Variants in GLP2R observed in about 807,000 individuals in gnomAD.
GLP2R encodes the protein glucagon-like peptide 2 receptor.
In GLP2R, 59 loss-of-function variants were observed where a neutral mutation model predicts 68.2. The ratio of observed to expected loss-of-function variants is 0.87; its 90% CI spans 0.70 to 1.07. GLP2R has a LOEUF of 1.07. Among genes scored for constraint, GLP2R ranks in the 50% least tolerant of loss-of-function variants. The pLI is 0.00. For missense variants in GLP2R, 548 were observed against 677.4 expected, an observed-to-expected ratio of 0.81 and a Z score of 2.12; for synonymous variants, 270 against 265.4, an observed-to-expected ratio of 1.02 and a Z score of -0.17.
intron 3 of GLP2R, among the ~76,000 whole-genome samples, chr17:9,838,868 G>C (rs1342874384): frequency 6.6e-6 from 1 of 152,214 alleles, no homozygotes; most frequent in Non-Finnish European, 1.5e-5. Context: ...GGTAATATCA[G>C]AAGAGGGAGC....
At chr17:9,827,701 G>A (rs974183498) in intron 1 of GLP2R, among the ~76,000 whole-genome samples, 1 of 152,094 alleles carries the variant, frequency 6.6e-6, no homozygotes, top group African/African-American at 2.4e-5. Flanking sequence ...GGTAGCTCAC[G>A]CCTGTAACCC....
chr17:9,861,231 G>A (rs372255002), intron 8 of GLP2R, 32 bp downstream of exon 8: 19 of 1,424,476 alleles, frequency 1.3e-5, no homozygotes, highest in South Asian at 4.7e-5. Context: ...ATTCTTTCAC[G>A]AGCCGGTAAT....
chr17:9,876,342 C>A (rs1220866683), intron 10 of GLP2R, among the ~76,000 whole-genome samples: 1 of 152,200 alleles, frequency 6.6e-6, no homozygotes, highest in Non-Finnish European at 1.5e-5. Context: ...AAGTTTATTT[C>A]ATAAGTCTTA....
At chr17:9,867,241 C>T (rs1045832560) in intron 9 of GLP2R, among the ~76,000 whole-genome samples, 5 of 152,194 alleles carry the variant, frequency 3.3e-5, no homozygotes, top group South Asian at 2.1e-4. Context: ...TCCCAGGTTC[C>T]GGCTCCCTGG....
chr17:9,876,360 T>C (rs1420653949), intron 10 of GLP2R, among the ~76,000 whole-genome samples: 2 of 152,220 alleles, frequency 1.3e-5, no homozygotes, highest in Admixed American at 6.5e-5. Context: ...TTATATGACG[T>C]AGGAGACTTC....
intron 4 of GLP2R, among the ~76,000 whole-genome samples, chr17:9,847,495 C>A (rs938524349): frequency 1.3e-5 from 2 of 152,088 alleles, no homozygotes; most frequent in East Asian, 3.9e-4. Context: ...GTCTCGAATG[C>A]CTGACCTCGT....
At chr17:9,877,020 A>G (rs2067147244) in intron 10 of GLP2R, among the ~76,000 whole-genome samples, 1 of 152,194 alleles carries the variant, frequency 6.6e-6, no homozygotes, top group African/African-American at 2.4e-5. Flanking sequence ...GGAAACTAAC[A>G]GAGAGAGAGG....
chr17:9,845,126 A>T (rs2066825959), intron 4 of GLP2R, among the ~76,000 whole-genome samples: 1 of 149,668 alleles, frequency 6.7e-6, no homozygotes, highest in Non-Finnish European at 1.5e-5. Flanking sequence ...TGACGCGATC[A>T]TGGCCCACCA....
intron 11 of GLP2R, among the ~76,000 whole-genome samples, chr17:9,882,100 A>G (rs546334535): frequency 6.6e-6 from 1 of 152,252 alleles, no homozygotes; most frequent in Admixed American, 6.5e-5. Context: ...AAATTCAGTA[A>G]TAACAGTGGG....
chr17:9,881,592 G>T (rs527866172), intron 11 of GLP2R, among the ~76,000 whole-genome samples: 1 of 135,704 alleles, frequency 7.4e-6, no homozygotes, highest in East Asian at 1.9e-4. Context: ...GTTTTAGCCG[G>T]GATGGTCTCG....
chr17:9,848,529 C>T (rs2066861904), intron 4 of GLP2R, among the ~76,000 whole-genome samples: 1 of 152,140 alleles, frequency 6.6e-6, no homozygotes, highest in Non-Finnish European at 1.5e-5. Context: ...AGCACCATCC[C>T]CAAGTCAGCA....
At chr17:9,826,858 C>G (rs984955451) in intron 1 of GLP2R, among the ~76,000 whole-genome samples, 2 of 152,004 alleles carry the variant, frequency 1.3e-5, no homozygotes, top group African/African-American at 4.8e-5. Flanking sequence ...TGTTTGCATA[C>G]AGTTTTTTGT....
chr17:9,840,765 G>A (rs1024500081), intron 3 of GLP2R, among the ~76,000 whole-genome samples: 2 of 152,156 alleles, frequency 1.3e-5, no homozygotes, highest in African/African-American at 4.8e-5. Flanking sequence ...ATGTAGAAAA[G>A]GTAAAGGTTT....
Position 9,861,652 on chromosome 17 carries a change from A to AGT in GLP2R, c.987-368_987-367insTG, listed in dbSNP as rs527866866. ...GAACTTTTAGGCACTGATTCTCAAC[A>AGT]GCCTGTTTTAAGCCTATTGCTGAAA... On this transcript the variant is annotated intron_variant, in intron 8 of 12. Transcript: ENST00000262441. Among the ~76,000 whole-genome samples, 236 of 152,356 alleles carry AGT rather than the reference A, an allele frequency of 1.5e-3. 1 individual carries two copies. The highest frequency in any genetic ancestry group is 0.01 in the Middle Eastern group (3 of 294).
rs2066799149 is a variant in GLP2R, at chr17:9,842,677, C to A, written c.504+61C>A. ...GTCCAAACCACCCTCCTTCGGGACA[C>A]CCCAGTGGCCTGCTGGCTCCAGGGG... On this transcript the variant is annotated intron_variant, in intron 4 of 12. Coordinates refer to ENST00000262441, the MANE Select transcript of GLP2R (RefSeq NM_004246.3). 6 of 1,579,194 alleles carry A rather than the reference C, an allele frequency of 3.8e-6. No homozygotes were observed. In the South Asian group the frequency reaches 6.7e-5, roughly 18 times the overall value.
rs1352158351 is a variant in GLP2R at position 9,889,982 on chromosome 17, A to G, written c.*277A>G. On this transcript the variant is annotated 3_prime_UTR_variant, in exon 13 of 13. Transcript: ENST00000262441. ...ACCCTAGGGCCTGGCTCTAAATTCA[A>G]GCCAATGAAGTCCCACCATGAAGAG... 1.9e-6 allele frequency: 1 copy of G among 531,802 alleles called. No individual in the cohort carries two copies. Among genetic ancestry groups the G allele is most frequent in the Admixed American group, 2.2e-5 (1 of 44,622 alleles). The allele number at this position is 531,802 out of a possible 1,614,324, so 32.9% of individuals were successfully genotyped here.
intron 10 of GLP2R, 121 bp from the exon 11 acceptor site, chr17:9,880,257 C>T (rs1736968660): frequency 1.5e-6 from 1 of 658,376 alleles, no homozygotes; most frequent in African/African-American, 1.8e-5. Context: ...GTGAAGGAGA[C>T]CATCTGGGAA....
chr17:9,827,299 G>A (rs796227108), intron 1 of GLP2R, among the ~76,000 whole-genome samples: 1 of 152,148 alleles, frequency 6.6e-6, no homozygotes, highest in Admixed American at 6.5e-5. Context: ...TCTGCACTGG[G>A]TTGAGTGCCA....
At chr17:9,859,033 C>T (rs12936786) in intron 6 of GLP2R, among the ~76,000 whole-genome samples, 23,353 of 151,870 alleles carry the variant, frequency 0.15, 2,475 homozygotes, top group East Asian at 0.49. Context: ...CTTTTTCTAA[C>T]TTTTTTTTAC....
Sources: allele counts gnomAD v4.1 joint callset (sites outside exome capture counted in the v4.1 genomes callset), GRCh38; gene constraint gnomAD v4.1.1; transcripts MANE v1.5; gene names NCBI Gene and HGNC (gene_info 2026-07-23, HGNC 2026-07-21).